SLC26A8: variants seen among roughly 807,000 people sequenced by gnomAD.
SLC26A8 encodes testis anion transporter 1.
SLC26A8 carries 70 observed loss-of-function variants against 105.0 expected under a neutral mutation model. The ratio of observed to expected loss-of-function variants is 0.67; its 90% CI spans 0.55 to 0.81. The LOEUF (loss-of-function observed/expected upper bound fraction) is 0.81, where lower values mean the gene tolerates loss of function less well. SLC26A8 is among the 40% of genes least tolerant of loss of function. SLC26A8 has a pLI of 0.00. For missense variants in SLC26A8, 998 were observed against 1,181.8 expected, an observed-to-expected ratio of 0.84 and a Z score of 2.28; for synonymous variants, 415 against 438.3, an observed-to-expected ratio of 0.95 and a Z score of 0.66.
At chr6:35,996,402 A>G (rs554496987) in intron 5 of SLC26A8, among the ~76,000 whole-genome samples, 15 of 152,322 alleles carry the variant, frequency 9.8e-5, no homozygotes, top group Admixed American at 8.5e-4. Context: ...CAGAGCCAAA[A>G]TAAGTTTTGA....
intron 19 of SLC26A8, among the ~76,000 whole-genome samples, chr6:35,944,550 T>C (rs1771602233): frequency 1.4e-5 from 2 of 148,130 alleles, no homozygotes. Flanking sequence ...ATAATAATAA[T>C]TATTATTATT....
intron 7 of SLC26A8, among the ~76,000 whole-genome samples, chr6:35,987,143 T>G (rs1225617847): frequency 6.6e-6 from 1 of 152,208 alleles, no homozygotes; most frequent in Non-Finnish European, 1.5e-5. Context: ...ATAAGAAAGT[T>G]TAGTCTAAAG....
intron 5 of SLC26A8, among the ~76,000 whole-genome samples, chr6:35,994,109 TTC>T (rs1743788817): frequency 7.5e-6 from 1 of 134,016 alleles, no homozygotes; most frequent in African/African-American, 2.7e-5. Flanking sequence ...CCCTTTTTTT[TTC>T]TTTTCTTTTT....
intron 5 of SLC26A8, among the ~76,000 whole-genome samples, chr6:35,993,946 A>G (rs569264846): frequency 1.8e-4 from 27 of 152,252 alleles, no homozygotes; most frequent in Middle Eastern, 3.4e-3. Flanking sequence ...GCAGGGTGGA[A>G]AGGAGCAAAA....
chr6:35,994,102 T>G (rs35113550), intron 5 of SLC26A8, among the ~76,000 whole-genome samples: 1 of 137,830 alleles, frequency 7.3e-6, no homozygotes, highest in African/African-American at 2.6e-5. Context: ...TGTGTCTCCC[T>G]TTTTTTTTCT....
chr6:36,017,283 C>T (rs1226421307), intron 2 of SLC26A8, among the ~76,000 whole-genome samples: 1 of 152,026 alleles, frequency 6.6e-6, no homozygotes, highest in Non-Finnish European at 1.5e-5. Context: ...AAATATGGCA[C>T]CAAAAGTCCA....
chr6:35,977,171 G>A (rs778517378), intron 9 of SLC26A8, 33 bp downstream of exon 9: 3 of 1,595,340 alleles, frequency 1.9e-6, no homozygotes, highest in East Asian at 4.5e-5. Flanking sequence ...AGAACAAAGA[G>A]TTAAGGATCA....
intron 11 of SLC26A8, among the ~76,000 whole-genome samples, chr6:35,967,755 A>C (rs1044893447): frequency 1.3e-5 from 2 of 152,170 alleles, no homozygotes; most frequent in African/African-American, 4.8e-5. Flanking sequence ...TGGCTTCTGA[A>C]GTCTATTTTG....
Position 36,019,714 on chromosome 6 carries a change from A to T in SLC26A8, c.-2-5T>A. On this transcript the variant is annotated splice_region_variant and splice_polypyrimidine_tract_variant and intron_variant, in intron 1 of 19. Coordinates refer to ENST00000490799, the MANE Select transcript of SLC26A8 (RefSeq NM_052961.4). ...TCCTCTCTAGTTGTGCCATTCCTGG[A>T]TGAGTGGAAAGAGAGCAAATAAAAG... The T allele has an allele frequency of 6.2e-7, 1 of 1,608,798 alleles. No homozygotes were observed. Among genetic ancestry groups the T allele is most frequent in the Non-Finnish European group, 8.5e-7 (1 of 1,176,878 alleles).
intron 8 of SLC26A8, among the ~76,000 whole-genome samples, chr6:35,980,954 G>A (rs1199663959): frequency 6.6e-6 from 1 of 152,114 alleles, no homozygotes; most frequent in African/African-American, 2.4e-5. Context: ...GGAGGTTGCA[G>A]TGAGCTGAGA....
chr6:36,003,072 G>A (rs1293352729), intron 3 of SLC26A8, among the ~76,000 whole-genome samples: 2 of 152,024 alleles, frequency 1.3e-5, no homozygotes, highest in Non-Finnish European at 2.9e-5. Context: ...CAGATTTATC[G>A]GTCTTTTCCT....
chr6:35,955,804 C>G (rs1295598716), intron 16 of SLC26A8, among the ~76,000 whole-genome samples: 1 of 152,186 alleles, frequency 6.6e-6, no homozygotes, highest in African/African-American at 2.4e-5. Flanking sequence ...ATCTTTTACT[C>G]CTTTTCCTCA....
intron 2 of SLC26A8, among the ~76,000 whole-genome samples, chr6:36,017,035 G>A (rs1252449308): frequency 1.3e-5 from 2 of 152,112 alleles, no homozygotes; most frequent in African/African-American, 2.4e-5. Context: ...AGCTGGGTGT[G>A]GTGGCGCACA....
intron 1 of SLC26A8, 31 bp downstream of exon 1, chr6:36,024,473 G>C (rs1243419651): frequency 2.2e-6 from 1 of 448,554 alleles, no homozygotes; most frequent in Non-Finnish European, 4.4e-6. Context: ...TGCAGCCCCC[G>C]GCGCCCAGGC....
chr6:35,997,008 C>G (rs1761373481), intron 5 of SLC26A8, among the ~76,000 whole-genome samples: 1 of 151,784 alleles, frequency 6.6e-6, no homozygotes. Flanking sequence ...GCACTACAGC[C>G]TGGGCAACAA....
intron 4 of SLC26A8, among the ~76,000 whole-genome samples, chr6:35,999,163 C>T (rs1581683076): frequency 6.6e-6 from 1 of 152,132 alleles, no homozygotes; most frequent in Non-Finnish European, 1.5e-5. Context: ...CAAAGTGCTG[C>T]GATTACAGGC....
intron 7 of SLC26A8, among the ~76,000 whole-genome samples, chr6:35,983,039 T>C (rs761814879): frequency 2.6e-4 from 39 of 152,218 alleles, no homozygotes; most frequent in Admixed American, 2.3e-3. Context: ...TGTTTTAAAA[T>C]AGCAATTATA....
At chr6:35,964,641 T>C (rs1772433579) in intron 11 of SLC26A8, among the ~76,000 whole-genome samples, 1 of 150,040 alleles carries the variant, frequency 6.7e-6, no homozygotes, top group South Asian at 2.1e-4. Flanking sequence ...AGTGAGACTC[T>C]GTCTCAAAAA....
Position 35,960,858 on chromosome 6 carries a change from G to A in SLC26A8, c.1623C>T (p.Ile541=). ...QIPNTNIYRS[I]NDYREIITIP... is the part of the protein sequence containing the mutation. ...GGATTCTTACCTCCCGATAATCATT[G>A]ATGCTTCTATAAATGTTGGTGTTAG... The change falls in exon 14 of 20, where the codon ATC becomes ATT. Residue 541 remains isoleucine (I), a synonymous_variant. Coordinates refer to ENST00000490799, the MANE Select transcript of SLC26A8 (RefSeq NM_052961.4). 1 of 1,614,106 alleles carries A rather than the reference G, an allele frequency of 6.2e-7. No homozygotes were observed. The highest frequency in any genetic ancestry group is 1.1e-5 in the South Asian group (1 of 91,078).
Sources: gnomAD v4.1 joint callset for allele counts (sites outside exome capture counted in the v4.1 genomes callset) on GRCh38, gnomAD v4.1.1 for gene constraint, MANE v1.5 for transcripts, NCBI Gene and HGNC (gene_info 2026-07-23, HGNC 2026-07-21) for gene names.